Variants in DOCK2 observed in about 807,000 individuals in gnomAD.
DOCK2 encodes dedicator of cytokinesis 2, also known as dedicator of cytokinesis protein 2.
DOCK2 carries 87 observed loss-of-function variants against 248.9 expected under a neutral mutation model. That is an observed-to-expected ratio of 0.35 (90% confidence interval 0.29 to 0.42). The LOEUF (loss-of-function observed/expected upper bound fraction) is 0.42. Ranked by LOEUF, DOCK2 falls within the 10% of genes least tolerant of loss-of-function variation. The pLI, the probability that DOCK2 is intolerant of heterozygous loss-of-function variation, is 1.00. For synonymous variants in DOCK2, 805 were observed against 821.6 expected, an observed-to-expected ratio of 0.98 and a Z score of 0.35; for missense variants, 1,747 against 2,300.2, an observed-to-expected ratio of 0.76 and a Z score of 4.92.
intron 27 of DOCK2, among the ~76,000 whole-genome samples, chr5:169,909,596 G>T (rs1327673920): frequency 6.6e-6 from 1 of 152,184 alleles, no homozygotes; most frequent in African/African-American, 2.4e-5. Context: ...TAAGAAACAG[G>T]TTTAGTTACT....
chr5:170,052,726 C>T (rs1756962484), intron 41 of DOCK2, among the ~76,000 whole-genome samples: 1 of 152,190 alleles, frequency 6.6e-6, no homozygotes, highest in Non-Finnish European at 1.5e-5. Flanking sequence ...GAACAGCATT[C>T]TCTTTATTAA....
intron 36 of DOCK2, chr5:170,040,516 C>G (rs2113843105): frequency 6.3e-6 from 1 of 158,678 alleles, no homozygotes; most frequent in East Asian, 1.9e-4. Context: ...CTTACTTACA[C>G]CCAGAGAACT....
intron 27 of DOCK2, among the ~76,000 whole-genome samples, chr5:169,935,593 T>TTTATCACGTCCTACCTACTTTGCG (rs1775951628): frequency 6.6e-6 from 1 of 152,162 alleles, no homozygotes; most frequent in Non-Finnish European, 1.5e-5. Flanking sequence ...AAGTCGGAGT[T>TTTATCACGTCCTACCTACTTTGCG]TTATCACGTC....
At chr5:170,014,979 T>G (rs1320429904) in intron 32 of DOCK2, among the ~76,000 whole-genome samples, 1 of 152,182 alleles carries the variant, frequency 6.6e-6, no homozygotes. Context: ...TCAGCCATGG[T>G]AGGGAAGATA....
chr5:169,831,509 T>C (rs1278704918), intron 26 of DOCK2, among the ~76,000 whole-genome samples: 1 of 152,218 alleles, frequency 6.6e-6, no homozygotes, highest in Non-Finnish European at 1.5e-5. Context: ...GCCACATCCA[T>C]TCATTTATGT....
intron 14 of DOCK2, among the ~76,000 whole-genome samples, chr5:169,702,849 C>CG (rs1202565212): frequency 6.6e-6 from 1 of 152,014 alleles, no homozygotes; most frequent in East Asian, 1.9e-4. Context: ...GGTGTGGAGG[C>CG]TCAGGATGTG....
intron 27 of DOCK2, among the ~76,000 whole-genome samples, chr5:169,949,160 T>A (rs1302823431): frequency 6.6e-6 from 1 of 152,240 alleles, no homozygotes; most frequent in African/African-American, 2.4e-5. Flanking sequence ...AGTCGAAGAC[T>A]GTTCCATTTA....
At chr5:169,825,591 C>T (rs35426850) in intron 26 of DOCK2, among the ~76,000 whole-genome samples, 64,100 of 131,832 alleles carry the variant, frequency 0.49, 15,559 homozygotes, top group African/African-American at 0.64. Flanking sequence ...GGACGCAGGG[C>T]GGGGAACATC....
intron 27 of DOCK2, among the ~76,000 whole-genome samples, chr5:169,965,761 AG>A (rs1299182238): frequency 3.3e-5 from 5 of 152,220 alleles, no homozygotes; most frequent in Non-Finnish European, 7.3e-5. Context: ...TTGGAGGTCT[AG>A]GCCTCTTTTG....
chr5:169,760,481 C>T (rs972495976), intron 24 of DOCK2, among the ~76,000 whole-genome samples: 6 of 152,138 alleles, frequency 3.9e-5, no homozygotes, highest in African/African-American at 1.4e-4. Flanking sequence ...GTTATTTTAA[C>T]TGCACTCTGG....
intron 27 of DOCK2, among the ~76,000 whole-genome samples, chr5:169,956,935 G>A (rs1221720193): frequency 1.3e-5 from 2 of 152,130 alleles, no homozygotes; most frequent in African/African-American, 2.4e-5. Context: ...GGCCTGCAGA[G>A]CCAGCACTGT....
Position 169,936,513 on chromosome 5 carries a change from T to G in DOCK2, c.2800-46555T>G, listed in dbSNP as rs1225915772. On this transcript the variant is annotated intron_variant, in intron 27 of 51. Coordinates refer to ENST00000520908, the MANE Select transcript of DOCK2 (RefSeq NM_004946.3). ...AAGATAATCAAAATGAATAAACACATCTATTCTATCCTGTGTGTATTTCGA... is the reference window on the plus strand; with the variant it reads ...AAGATAATCAAAATGAATAAACACAGCTATTCTATCCTGTGTGTATTTCGA... 4.0e-5 allele frequency among the ~76,000 whole-genome samples: 6 copies of G among 151,374 alleles called. No individual in the cohort carries two copies. The East Asian group carries it at 1.2e-3, about 29-fold the overall frequency.
At chr5:169,834,137 T>C (rs530769850) in intron 26 of DOCK2, among the ~76,000 whole-genome samples, 6 of 140,216 alleles carry the variant, frequency 4.3e-5, no homozygotes, top group South Asian at 2.4e-4. Flanking sequence ...TCCAGCTAAA[T>C]GTCCCAACCA....
chr5:169,708,144 C>A lies in DOCK2; in HGVS notation c.1384-25C>A, dbSNP rs751592341. 1.6e-5 allele frequency: 26 copies of A among 1,610,430 alleles called. No individual in the cohort carries two copies. In the East Asian group the frequency reaches 5.8e-4, roughly 36 times the overall value. On this transcript the variant is annotated intron_variant, in intron 14 of 51. Coordinates refer to ENST00000520908, the MANE Select transcript of DOCK2 (RefSeq NM_004946.3). The stretch of plus-strand genomic sequence containing the variant: ...AAAATGACAATTCTGTAGTCTTTTC[C>A]CTCACTTTGTTTTTCTTGGGTCAGA...
chr5:169,661,341 C>T (rs1004176492), intron 2 of DOCK2, among the ~76,000 whole-genome samples: 2 of 152,072 alleles, frequency 1.3e-5, no homozygotes, highest in African/African-American at 4.8e-5. Flanking sequence ...TTAAGGTATA[C>T]AACATGATGT....
At position 169,918,074 on chromosome 5, in the gene DOCK2, C is replaced by T. The variant is rs1774974091; in HGVS notation, c.2800-64994C>T. 5.9e-5 allele frequency among the ~76,000 whole-genome samples: 9 copies of T among 152,278 alleles called. No individual in the cohort carries two copies. In the South Asian group the frequency reaches 1.9e-3, roughly 32 times the overall value. The stretch of plus-strand genomic sequence containing the variant: ...ATAAACTTCTGATATTCTACCCTTC[C>T]TATTTTGGGGGAAAAAGTCAAACCT... On this transcript the variant is annotated intron_variant, in intron 27 of 51. Transcript: ENST00000520908.
Position 169,985,849 on chromosome 5 carries a change from A to G in DOCK2, c.2920A>G (p.Ile974Val). The G allele has an allele frequency of 6.2e-7, 1 of 1,610,304 alleles. No individual in the cohort carries two copies. The highest frequency in any genetic ancestry group is 8.5e-7 in the Non-Finnish European group (1 of 1,177,712). The change falls in exon 29 of 52, where the codon ATC (isoleucine) becomes GTC (valine). Residue 974 changes from isoleucine (I) to valine (V), a missense_variant. Ile to Val is a conservative substitution (Grantham distance 29). Around this residue, in one of 4 missense-constraint regions of DOCK2, gnomAD observed 858 missense variants for 1,183.5 expected, o/e 0.72. Coordinates refer to ENST00000520908, the MANE Select transcript of DOCK2 (RefSeq NM_004946.3). ...TCAGGACTTCTTGATGGAGACCTTCATCATGTTCAAGGACCTCATTGGAAA... is the reference window on the plus strand; with the variant it reads ...TCAGGACTTCTTGATGGAGACCTTCGTCATGTTCAAGGACCTCATTGGAAA... The part of the protein sequence containing the change: ...ELVDFLMETF[I>V]MFKDLIGKNV...
intron 27 of DOCK2, among the ~76,000 whole-genome samples, chr5:169,890,710 T>TTA (rs948538489): frequency 9.9e-5 from 15 of 152,136 alleles, no homozygotes; most frequent in Non-Finnish European, 1.8e-4. Context: ...AGATCCAGAC[T>TTA]TATATATTTG....
At chr5:169,835,404 G>A (rs764384169) in intron 26 of DOCK2, among the ~76,000 whole-genome samples, 7 of 151,614 alleles carry the variant, frequency 4.6e-5, no homozygotes, top group South Asian at 2.1e-4. Flanking sequence ...ACAGGCATGC[G>A]CCATCATGCC....
Sources: gnomAD v4.1 joint callset for allele counts (sites outside exome capture counted in the v4.1 genomes callset) on GRCh38, gnomAD v4.1.1 for gene constraint, gnomAD v4.1.1 regional missense constraint, MANE v1.5 for transcripts, NCBI Gene and HGNC (gene_info 2026-07-23, HGNC 2026-07-21) for gene names.